ZEB2: variants seen among roughly 807,000 people sequenced by gnomAD.
ZEB2 encodes zinc finger E-box binding homeobox 2.
Under a neutral mutation model 99.9 loss-of-function variants are expected in ZEB2, and 6 were observed. The observed-to-expected ratio is 0.06, with a 90% CI of 0.03 to 0.12. The LOEUF is 0.12. ZEB2 is among the 10% of genes least tolerant of loss of function. The pLI is 1.00. For synonymous variants in ZEB2, 517 were observed against 542.5 expected, an observed-to-expected ratio of 0.95 and a Z score of 0.65; for missense variants, 969 against 1,502.8, an observed-to-expected ratio of 0.64 and a Z score of 5.87.
intron 2 of ZEB2, among the ~76,000 whole-genome samples, chr2:144,433,627 A>G (rs974265731): frequency 6.6e-6 from 1 of 152,180 alleles, no homozygotes; most frequent in African/African-American, 2.4e-5. Flanking sequence ...CTAAAAGCCT[A>G]TATTTAAAAG....
At chr2:144,505,233 A>G (rs1704936198) in intron 2 of ZEB2, among the ~76,000 whole-genome samples, 1 of 145,872 alleles carries the variant, frequency 6.9e-6, no homozygotes, top group South Asian at 2.5e-4. Context: ...AAGAGGTAAT[A>G]GTGTTTGGAT....
chr2:144,507,415 A>G (rs1256758295), intron 2 of ZEB2: 1 of 152,254 alleles, frequency 6.6e-6, no homozygotes, highest in East Asian at 1.9e-4. Flanking sequence ...ATCGTCTTCT[A>G]GTTCTAACCA....
At chr2:144,517,723 G>C in intron 1 of ZEB2, 1 of 702,652 alleles carries the variant, frequency 1.4e-6, no homozygotes, top group Non-Finnish European at 2.6e-6. Context: ...CAGTAAGACC[G>C]CTTGACTCAG....
At chr2:144,482,812 A>G (rs1573789066) in intron 2 of ZEB2, among the ~76,000 whole-genome samples, 1 of 148,696 alleles carries the variant, frequency 6.7e-6, no homozygotes, top group Non-Finnish European at 1.5e-5. Flanking sequence ...CTCTTCCCTC[A>G]CCACCTTATT....
intron 2 of ZEB2, among the ~76,000 whole-genome samples, chr2:144,475,921 T>TA (rs1704423146): frequency 6.6e-6 from 1 of 152,098 alleles, no homozygotes. Flanking sequence ...ATAAAATAAA[T>TA]AGACACCAAA....
intron 2 of ZEB2, chr2:144,511,243 A>C: frequency 3.2e-6 from 1 of 310,364 alleles, no homozygotes; most frequent in Non-Finnish European, 5.4e-6. Flanking sequence ...TGGGCTACAT[A>C]TATGCATAAT....
Position 144,455,694 on chromosome 2 carries a change from T to C in ZEB2, c.74-25668A>G, listed in dbSNP as rs7595004. On this transcript the variant is annotated intron_variant, in intron 2 of 9. Coordinates refer to ENST00000627532, the MANE Select transcript of ZEB2 (RefSeq NM_014795.4). ...ATACATCACCTCTCTGTTAGGTTTA[T>C]AATTTGCATAGCAATAGTGAATATG... 7.2e-3 allele frequency among the ~76,000 whole-genome samples: 1,103 copies of C among 152,308 alleles called. 16 individuals carry two copies. The highest frequency in any genetic ancestry group is 0.025 in the African/African-American group (1,039 of 41,572).
Position 144,517,319 on chromosome 2 carries a change from C to T in ZEB2, c.32G>A (p.Arg11Gln), listed in dbSNP as rs1476193985. 1 of 1,613,552 alleles carries T rather than the reference C, an allele frequency of 6.2e-7. No individual in the cohort carries two copies. Among genetic ancestry groups the T allele is most frequent in the Non-Finnish European group, 8.5e-7 (1 of 1,179,850 alleles). The change falls in exon 2 of 10, where the codon CGG (arginine) becomes CAG (glutamine). Residue 11 changes from arginine to glutamine, a missense_variant. Transcript: ENST00000627532. MKQPIMADGP[R>Q]CKRRKQANPR... The stretch of plus-strand genomic sequence containing the variant: ...ATTGGCTTGTTTGCGCCTCTTGCAC[C>T]GGGGGCCATCCGCCATGATCGGCTG...
intron 8 of ZEB2, 94 bp downstream of exon 8, chr2:144,398,205 TGA>T: frequency 2.0e-6 from 3 of 1,505,170 alleles, no homozygotes. Context: ...CTGTTTCTGC[TGA>T]GTTTTTTCAC....
At chr2:144,394,393 C>T (rs1046736806) in intron 9 of ZEB2, 4 of 151,882 alleles carry the variant, frequency 2.6e-5, no homozygotes, top group East Asian at 1.9e-4. Flanking sequence ...GTACACTCAC[C>T]GTGTAGTAAA....
chr2:144,497,392 G>C (rs1331353723), intron 2 of ZEB2, among the ~76,000 whole-genome samples: 1 of 152,128 alleles, frequency 6.6e-6, no homozygotes, highest in Non-Finnish European at 1.5e-5. Context: ...CCTGCACATA[G>C]TAGGTGTGTA....
chr2:144,513,433 G>A, intron 2 of ZEB2: 3 of 1,425,072 alleles, frequency 2.1e-6, no homozygotes, highest in African/African-American at 1.4e-5. Context: ...AAACTCTGGA[G>A]AAAAATCAAA....
intron 2 of ZEB2, among the ~76,000 whole-genome samples, chr2:144,489,003 A>G (rs1704639464): frequency 6.6e-6 from 1 of 152,176 alleles, no homozygotes; most frequent in Non-Finnish European, 1.5e-5. Context: ...TGTTTTTAAA[A>G]AGGCATGAAT....
intron 4 of ZEB2, among the ~76,000 whole-genome samples, chr2:144,423,349 A>T (rs1209355425): frequency 6.6e-6 from 1 of 152,236 alleles, no homozygotes; most frequent in African/African-American, 2.4e-5. Flanking sequence ...TGATCCCATG[A>T]GTTGGGACAT....
intron 2 of ZEB2, among the ~76,000 whole-genome samples, chr2:144,443,883 A>T (rs1703949805): frequency 6.6e-6 from 1 of 152,128 alleles, no homozygotes; most frequent in Non-Finnish European, 1.5e-5. Context: ...AACAGTTTGT[A>T]CTGTTCAGGA....
chr2:144,506,107 C>T (rs191784066), intron 2 of ZEB2, among the ~76,000 whole-genome samples: 6 of 152,248 alleles, frequency 3.9e-5, no homozygotes, highest in African/African-American at 1.2e-4. Context: ...GTGTAAGTTT[C>T]GTAAGAATCA....
chr2:144,451,771 A>G (rs1404786433), intron 2 of ZEB2, among the ~76,000 whole-genome samples: 2 of 152,186 alleles, frequency 1.3e-5, no homozygotes, highest in African/African-American at 4.8e-5. Context: ...TTAATTTGGA[A>G]AGAAGTTGTT....
intron 2 of ZEB2, among the ~76,000 whole-genome samples, chr2:144,438,668 G>T (rs1042009804): frequency 2.0e-5 from 3 of 152,164 alleles, no homozygotes; most frequent in Non-Finnish European, 4.4e-5. Context: ...GCCCTGACCA[G>T]ATTTATCTTT....
At chr2:144,455,528 T>C (rs1248825040) in intron 2 of ZEB2, among the ~76,000 whole-genome samples, 2 of 152,186 alleles carry the variant, frequency 1.3e-5, no homozygotes, top group Non-Finnish European at 2.9e-5. Context: ...GAAGCTTCAA[T>C]TAAAATGCCA....
Sources: gnomAD v4.1 joint callset for allele counts (sites outside exome capture counted in the v4.1 genomes callset) on GRCh38, gnomAD v4.1.1 for gene constraint, MANE v1.5 for transcripts, NCBI Gene and HGNC (gene_info 2026-07-23, HGNC 2026-07-21) for gene names.